The following ERCC6L2 variants were observed in gnomAD, a reference collection of about 807,000 sequenced individuals.
ERCC6L2 encodes DNA excision repair protein ERCC-6-like 2.
ERCC6L2 carries 77 observed loss-of-function variants against 132.0 expected under a neutral mutation model. The ratio of observed to expected loss-of-function variants is 0.58; its 90% CI spans 0.49 to 0.71. The LOEUF is 0.71. Ranked by LOEUF, ERCC6L2 falls within the 30% of genes least tolerant of loss-of-function variation. The pLI, the probability that ERCC6L2 is intolerant of heterozygous loss-of-function variation, is 0.00. For missense variants in ERCC6L2, 1,542 were observed against 1,837.6 expected (o/e 0.84, Z 2.94); for synonymous variants, 583 against 632.4 (o/e 0.92, Z 1.17).
rs1554763613 is a variant in ERCC6L2, at chr9:96,015,028, T to TTG, written c.*1826_*1827insGT. 7.8e-6 allele frequency among the ~76,000 whole-genome samples: 1 copy of TTG among 127,450 alleles called. No homozygotes were observed. The highest frequency in any genetic ancestry group is 1.6e-5 in the Non-Finnish European group (1 of 62,086). 83.6% of individuals were successfully genotyped at this position (127,450 alleles called of 152,430 possible). A position where few individuals can be genotyped will look rare whatever the true frequency, so the allele number is the denominator to read the frequency against. On this transcript the variant is annotated 3_prime_UTR_variant, in exon 19 of 19. Coordinates refer to ENST00000653738, the MANE Select transcript of ERCC6L2 (RefSeq NM_020207.7). ...CATATATGTACAGTTTTTTTTTTTT[T>TTG]TTTTTTTTTTTTGAGATTGAGTCTC...
intron 12 of ERCC6L2, among the ~76,000 whole-genome samples, chr9:95,943,330 G>A (rs552143439): frequency 2.0e-4 from 31 of 151,940 alleles, no homozygotes; most frequent in Non-Finnish European, 4.3e-4. Flanking sequence ...AGGATACCCT[G>A]GTCAGTTCTC....
intron 16 of ERCC6L2, among the ~76,000 whole-genome samples, chr9:95,973,986 A>G (rs1301995798): frequency 3.9e-5 from 6 of 152,086 alleles, no homozygotes; most frequent in Non-Finnish European, 7.4e-5. Context: ...TACCTGCAAA[A>G]GAGCAGTTGG....
intron 19 of ERCC6L2, among the ~76,000 whole-genome samples, chr9:96,034,133 G>A (rs763531731): frequency 2.0e-5 from 3 of 152,252 alleles, no homozygotes; most frequent in Non-Finnish European, 2.9e-5. Context: ...CAGGCATGAA[G>A]GCAAGGGCTC....
intron 19 of ERCC6L2, among the ~76,000 whole-genome samples, chr9:96,037,694 C>A (rs1482839164): frequency 6.6e-6 from 1 of 152,006 alleles, no homozygotes; most frequent in Non-Finnish European, 1.5e-5. Flanking sequence ...GAGGACTGCG[C>A]CAGGACAGCA....
intron 8 of ERCC6L2, among the ~76,000 whole-genome samples, chr9:95,922,976 G>A (rs576910216): frequency 6.6e-6 from 1 of 152,134 alleles, no homozygotes; most frequent in East Asian, 1.9e-4. Context: ...ATTGTTCTTT[G>A]ATAGTACTCT....
At chr9:95,944,772 C>G (rs541327913) in intron 12 of ERCC6L2, among the ~76,000 whole-genome samples, 3 of 152,050 alleles carry the variant, frequency 2.0e-5, no homozygotes, top group African/African-American at 7.3e-5. Flanking sequence ...GGGGAGACAT[C>G]ACATGTCGGC....
chr9:96,000,548 C>T (rs768678019), intron 17 of ERCC6L2, among the ~76,000 whole-genome samples: 12 of 152,096 alleles, frequency 7.9e-5, no homozygotes, highest in African/African-American at 2.4e-4. Flanking sequence ...TTGGCAGGAA[C>T]GTAATAGGTG....
At chr9:95,943,382 T>A (rs1309932114) in intron 12 of ERCC6L2, among the ~76,000 whole-genome samples, 1 of 151,794 alleles carries the variant, frequency 6.6e-6, no homozygotes, top group Non-Finnish European at 1.5e-5. Flanking sequence ...TAGCAAAAAA[T>A]TTAGGGGCAA....
intron 12 of ERCC6L2, among the ~76,000 whole-genome samples, chr9:95,953,589 AC>A (rs1333459479): frequency 7.9e-5 from 12 of 151,812 alleles, no homozygotes; most frequent in East Asian, 3.9e-4. Flanking sequence ...AAAAAAAAAA[AC>A]AATGAAATTA....
chr9:95,933,909 C>T (rs1011769760), intron 11 of ERCC6L2, among the ~76,000 whole-genome samples: 1 of 151,108 alleles, frequency 6.6e-6, no homozygotes, highest in East Asian at 1.9e-4. Flanking sequence ...AAATACCTTG[C>T]ATAGTTCCTG....
chr9:96,037,431 T>C (rs111914965), intron 19 of ERCC6L2, among the ~76,000 whole-genome samples: 24 of 152,212 alleles, frequency 1.6e-4, no homozygotes, highest in African/African-American at 5.3e-4. Flanking sequence ...GTGAATCCCA[T>C]GTATGGCCTC....
chr9:95,955,086 C>T (rs2297009), intron 12 of ERCC6L2, among the ~76,000 whole-genome samples: 4,613 of 152,254 alleles, frequency 0.03, 96 homozygotes, highest in East Asian at 0.13. Flanking sequence ...TACAGAGCAT[C>T]CTATAAAGCC....
At chr9:95,886,736 A>G (rs1359418670) in intron 2 of ERCC6L2, among the ~76,000 whole-genome samples, 2 of 152,204 alleles carry the variant, frequency 1.3e-5, no homozygotes, top group African/African-American at 4.8e-5. Context: ...ATTGAAGGAT[A>G]CAAAGTATTG....
At chr9:95,915,881 C>T (rs1316303600) in intron 5 of ERCC6L2, 52 bp downstream of exon 5, 10 of 1,501,834 alleles carry the variant, frequency 6.7e-6, no homozygotes, top group East Asian at 2.3e-5. Context: ...CAGCTGAATA[C>T]GGTCTTGTTT....
Position 95,978,211 on chromosome 9 carries a change from C to T in ERCC6L2, c.3488C>T (p.Ser1163Phe), listed in dbSNP as rs541311900. ...CCTGCTAACATAGCTGTTTGCAGTTCTAAGGTAAGAAAAATATAGGGTAGT... is the reference window on the plus strand; with the variant it reads ...CCTGCTAACATAGCTGTTTGCAGTTTTAAGGTAAGAAAAATATAGGGTAGT... ...QLPANIAVCS[S>F]KTYKEKVDAD... is the part of the protein sequence containing the mutation. The change falls in exon 17 of 19, where the codon TCT (serine) becomes TTT (phenylalanine). Residue 1163 changes from serine (S) to phenylalanine (F), a missense_variant. Around this residue, in one of 4 missense-constraint regions of ERCC6L2, gnomAD observed 442 missense variants for 583.4 expected, o/e 0.76. Transcript: ENST00000653738. 1.4e-5 allele frequency: 19 copies of T among 1,361,832 alleles called. No individual in the cohort carries two copies. The South Asian group carries it at 2.1e-4, about 15-fold the overall frequency. The allele number at this position is 1,361,832 out of a possible 1,614,324, so 84.4% of individuals were successfully genotyped here.
chr9:95,907,857 C>CACACAAACACACACACACACA, intron 4 of ERCC6L2, among the ~76,000 whole-genome samples: 1 of 133,816 alleles, frequency 7.5e-6, no homozygotes, highest in South Asian at 2.5e-4. Context: ...ACACACACAC[C>CACACAAACACACACACACACA]CCCACACCCA....
chr9:95,961,421 A>G (rs954004381), intron 13 of ERCC6L2, among the ~76,000 whole-genome samples: 1 of 152,138 alleles, frequency 6.6e-6, no homozygotes, highest in Non-Finnish European at 1.5e-5. Context: ...ATTCCCTAAA[A>G]TCTTCAGACA....
intron 3 of ERCC6L2, among the ~76,000 whole-genome samples, chr9:95,900,351 G>T (rs563351588): frequency 8.8e-4 from 133 of 151,852 alleles, no homozygotes; most frequent in African/African-American, 3.1e-3. Flanking sequence ...TCATGCCAAT[G>T]CACTCCAGCC....
At chr9:95,899,600 A>ATATGTGTGTG (rs746946004) in intron 3 of ERCC6L2, among the ~76,000 whole-genome samples, 1,605 of 134,842 alleles carry the variant, frequency 0.012, 6 homozygotes, top group Middle Eastern at 0.027. Flanking sequence ...TTATATATAT[A>ATATGTGTGTG]TGTGTGTGTG....
Sources: gnomAD v4.1 joint callset for allele counts (sites outside exome capture counted in the v4.1 genomes callset) on GRCh38, gnomAD v4.1.1 for gene constraint, gnomAD v4.1.1 regional missense constraint, MANE v1.5 for transcripts, NCBI Gene and HGNC (gene_info 2026-07-23, HGNC 2026-07-21) for gene names.